MPP7: variants seen among roughly 807,000 people sequenced by gnomAD.
MPP7 encodes the protein MAGUK p55 subfamily member 7.
MPP7 carries 60 observed loss-of-function variants against 76.5 expected under a neutral mutation model. The observed-to-expected ratio is 0.78, with a 90% CI of 0.64 to 0.97. The LOEUF is 0.97. Ranked by LOEUF, MPP7 falls within the 50% of genes least tolerant of loss-of-function variation. MPP7 has a pLI of 0.00. For synonymous variants in MPP7, 237 were observed against 244.5 expected (o/e 0.97, Z 0.29); for missense variants, 641 against 694.0 (o/e 0.92, Z 0.86).
intron 3 of MPP7, among the ~76,000 whole-genome samples, chr10:28,198,378 C>T (rs1296322219): frequency 6.6e-6 from 1 of 152,016 alleles, no homozygotes; most frequent in East Asian, 1.9e-4. Flanking sequence ...GATTCAAGAC[C>T]AGCCTGGCCA....
chr10:28,103,165 G>A (rs186397462), intron 11 of MPP7, among the ~76,000 whole-genome samples: 6 of 147,340 alleles, frequency 4.1e-5, no homozygotes, highest in Non-Finnish European at 6.0e-5. Context: ...ATCCTGTCTC[G>A]GGGCCTTTGC....
intron 5 of MPP7, among the ~76,000 whole-genome samples, chr10:28,145,169 T>C (rs1321530472): frequency 6.6e-6 from 1 of 152,180 alleles, no homozygotes; most frequent in East Asian, 1.9e-4. Context: ...CGTCACGGCC[T>C]CCCAAAGTGC....
At chr10:28,161,591 G>A (rs1836266648) in intron 3 of MPP7, among the ~76,000 whole-genome samples, 1 of 152,150 alleles carries the variant, frequency 6.6e-6, no homozygotes, top group Non-Finnish European at 1.5e-5. Flanking sequence ...TCCCTAGGTG[G>A]AGAGAGGAAA....
intron 1 of MPP7, among the ~76,000 whole-genome samples, chr10:28,295,367 T>C (rs1841014645): frequency 6.6e-6 from 1 of 152,184 alleles, no homozygotes; most frequent in South Asian, 2.1e-4. Context: ...GGTACTCTGA[T>C]GAGCGTTAGA....
At chr10:28,222,863 A>C (rs1838562104) in intron 2 of MPP7, among the ~76,000 whole-genome samples, 1 of 149,466 alleles carries the variant, frequency 6.7e-6, no homozygotes, top group African/African-American at 2.5e-5. Flanking sequence ...AAAAAAAAAA[A>C]AACCTAGTGA....
chr10:28,176,340 AAAAACAAAAC>A lies in MPP7; in HGVS notation c.156+25803_156+25812del, dbSNP rs57735759. Among the ~76,000 whole-genome samples the A allele has an allele frequency of 5.7e-3, 866 of 151,022 alleles. 8 individuals carry two copies. Among genetic ancestry groups the A allele is most frequent in the African/African-American group, 0.019 (772 of 40,950 alleles). On this transcript the variant is annotated intron_variant, in intron 3 of 16. Coordinates refer to ENST00000683449, the MANE Select transcript of MPP7 (RefSeq NM_001318170.2). Reference sequence around the variant, plus strand: ...AATCAAAGCCCAGTGCAGTTGGGTCAAAAACAAAACAAAACAAAACAAAACAAAACAAAAC... The same window carrying A: ...AATCAAAGCCCAGTGCAGTTGGGTCAAAAACAAAACAAAACAAAACAAAAC...
chr10:28,224,914 T>C (rs1268480556), intron 2 of MPP7, among the ~76,000 whole-genome samples: 2 of 152,176 alleles, frequency 1.3e-5, no homozygotes, highest in Non-Finnish European at 2.9e-5. Context: ...TGAGAGCCAC[T>C]CTCCCCTATC....
intron 11 of MPP7, among the ~76,000 whole-genome samples, chr10:28,098,465 A>C (rs933694086): frequency 6.6e-6 from 1 of 151,800 alleles, no homozygotes; most frequent in Non-Finnish European, 1.5e-5. Flanking sequence ...GCTGTGGACA[A>C]TTACTTGTTC....
intron 3 of MPP7, among the ~76,000 whole-genome samples, chr10:28,156,579 G>A (rs1836070189): frequency 2.0e-5 from 3 of 152,164 alleles, no homozygotes; most frequent in Admixed American, 2.0e-4. Flanking sequence ...GCTAATGGAA[G>A]CCTGGATGGA....
intron 1 of MPP7, among the ~76,000 whole-genome samples, chr10:28,262,273 A>ATTT (rs1564741737): frequency 1.8e-5 from 1 of 54,828 alleles, no homozygotes; most frequent in African/African-American, 7.9e-5. Context: ...ATATATATAT[A>ATTT]TATATTTTTT....
In MPP7 at chr10:28,250,580, G is replaced by C. The variant is rs16928647; in HGVS notation, c.-131-11845C>G. ...TTCAAAGATCCTTACGTGATCACTT[G>C]ACTACTCTAAATAAACGAGCTGATG... On this transcript the variant is annotated intron_variant, in intron 1 of 16. Coordinates refer to ENST00000683449, the MANE Select transcript of MPP7 (RefSeq NM_001318170.2). 8.0e-3 allele frequency among the ~76,000 whole-genome samples: 1,225 copies of C among 152,220 alleles called. 17 individuals carry two copies. The highest frequency in any genetic ancestry group is 0.028 in the African/African-American group (1,154 of 41,534).
At chr10:28,110,892 A>G (rs1258547997) in intron 11 of MPP7, among the ~76,000 whole-genome samples, 4 of 152,188 alleles carry the variant, frequency 2.6e-5, no homozygotes, top group Admixed American at 2.6e-4. Context: ...ATTATTTCAG[A>G]TTACATTCTA....
intron 12 of MPP7, among the ~76,000 whole-genome samples, chr10:28,070,223 C>T (rs1306804574): frequency 1.3e-5 from 2 of 152,118 alleles, no homozygotes; most frequent in African/African-American, 4.8e-5. Context: ...CGGTGAAACC[C>T]CACCTCTACT....
rs116633895 is a variant in MPP7, at chr10:28,257,850, T to C, written c.-131-19115A>G. Among the ~76,000 whole-genome samples, 626 of 152,164 alleles carry C rather than the reference T, an allele frequency of 4.1e-3. 4 individuals are homozygous for C. Among genetic ancestry groups the C allele is most frequent in the African/African-American group, 0.014 (582 of 41,524 alleles). On this transcript the variant is annotated intron_variant, in intron 1 of 16. Transcript: ENST00000683449. ...TACATGCAATTCCTGATCAATACAA[T>C]GTGATATCTCCACATTTCTGACAAA...
intron 1 of MPP7, among the ~76,000 whole-genome samples, chr10:28,286,460 C>T (rs992672055): frequency 1.3e-5 from 2 of 152,208 alleles, no homozygotes; most frequent in South Asian, 4.1e-4. Context: ...CTGGTCCCTG[C>T]TTCTAAAATG....
chr10:28,056,679 G>A (rs1851571897), intron 15 of MPP7, 56 bp from the exon 16 acceptor site: 1 of 1,450,472 alleles, frequency 6.9e-7, no homozygotes, highest in South Asian at 1.5e-5. Flanking sequence ...ATGAATTACT[G>A]AATTTTCTTT....
At chr10:28,109,856 A>AAAAAC in intron 11 of MPP7, among the ~76,000 whole-genome samples, 1 of 146,566 alleles carries the variant, frequency 6.8e-6, no homozygotes, top group Non-Finnish European at 1.5e-5. Context: ...CGCAAAAAAA[A>AAAAAC]AAAAAAAAAA....
chr10:28,104,343 G>A (rs1472242854), intron 11 of MPP7, among the ~76,000 whole-genome samples: 1 of 152,144 alleles, frequency 6.6e-6, no homozygotes, highest in Admixed American at 6.5e-5. Context: ...GGATTGGGAG[G>A]AAAACTACTA....
At chr10:28,139,539 A>G (rs182842548) in intron 5 of MPP7, among the ~76,000 whole-genome samples, 4 of 152,284 alleles carry the variant, frequency 2.6e-5, no homozygotes, top group Admixed American at 2.0e-4. Context: ...ACAAACACAC[A>G]CACACAAACA....
Sources: gnomAD v4.1 joint callset for allele counts (sites outside exome capture counted in the v4.1 genomes callset) on GRCh38, gnomAD v4.1.1 for gene constraint, MANE v1.5 for transcripts, NCBI Gene and HGNC (gene_info 2026-07-23, HGNC 2026-07-21) for gene names.